MAP2: variants seen among roughly 807,000 people sequenced by gnomAD.
MAP2 encodes the protein microtubule-associated protein 2.
In MAP2, 14 loss-of-function variants were observed where a neutral mutation model predicts 137.6. The observed-to-expected ratio is 0.10, with a 90% confidence interval of 0.07 to 0.16. MAP2 has a LOEUF of 0.16. Ranked by LOEUF, MAP2 falls within the 10% of genes least tolerant of loss-of-function variation. The pLI, the probability that MAP2 is intolerant of heterozygous loss-of-function variation, is 1.00. For synonymous variants in MAP2, 786 were observed against 782.3 expected (o/e 1.00, Z -0.08); for missense variants, 2,088 against 2,191.5 (o/e 0.95, Z 0.94).
At chr2:209,488,334 G>A (rs1457700926) in intron 1 of MAP2, among the ~76,000 whole-genome samples, 1 of 152,176 alleles carries the variant, frequency 6.6e-6, no homozygotes, top group Non-Finnish European at 1.5e-5. Context: ...AAGGCCCTGG[G>A]TTTCAAGCAC....
chr2:209,691,377 T>C (rs1175572625), intron 7 of MAP2, among the ~76,000 whole-genome samples: 1 of 152,108 alleles, frequency 6.6e-6, no homozygotes, highest in East Asian at 1.9e-4. Context: ...TCTCATATCA[T>C]TTTCTCCCCA....
In MAP2 at chr2:209,697,063, A is replaced by G. The variant is rs765042302; in HGVS notation, c.4522+12A>G. 12 of 1,574,816 alleles carry G rather than the reference A, an allele frequency of 7.6e-6. No individual in the cohort carries two copies. Among genetic ancestry groups the G allele is most frequent in the East Asian group, 4.5e-5 (2 of 44,238 alleles). On this transcript the variant is annotated intron_variant, in intron 10 of 15. Transcript: ENST00000682079. ...GCGGAAAACCACAGGTGACTGTTCA[A>G]TTCTGCAATGTGACTGGCAAACATA...
intron 2 of MAP2, among the ~76,000 whole-genome samples, chr2:209,578,692 A>G (rs112903000): frequency 0.011 from 1,657 of 152,270 alleles, 31 homozygotes; most frequent in African/African-American, 0.037. Context: ...TAAATGCAGG[A>G]AATTATTCCA....
At chr2:209,480,331 CTA>C (rs763823505) in intron 1 of MAP2, among the ~76,000 whole-genome samples, 58 of 152,232 alleles carry the variant, frequency 3.8e-4, no homozygotes, top group Non-Finnish European at 7.1e-4. Context: ...CGGAGGGAAA[CTA>C]TTAGGTTCTA....
chr2:209,695,884 GATA>G lies in MAP2; in HGVS notation c.3715_3717del (p.Ile1239del). The G allele has an allele frequency of 5.0e-6, 8 of 1,614,108 alleles. No individual in the cohort carries two copies. Among genetic ancestry groups the G allele is most frequent in the Non-Finnish European group, 6.8e-6 (8 of 1,180,018 alleles). On this transcript the variant is annotated inframe_deletion, in exon 8 of 16. Coordinates refer to ENST00000682079, the MANE Select transcript of MAP2 (RefSeq NM_001375505.1). ...CAGAGATTCAGAGTGAGGAAGAAGA[GATA>G]GAAGCCCAGGGAGAATATGATAAAC...
chr2:209,430,559 T>C (rs1309274773), intron 1 of MAP2, among the ~76,000 whole-genome samples: 1 of 152,150 alleles, frequency 6.6e-6, no homozygotes, highest in African/African-American at 2.4e-5. Flanking sequence ...TAGATTAATA[T>C]TAAAGTATTG....
chr2:209,510,905 T>C (rs933709417), intron 2 of MAP2, among the ~76,000 whole-genome samples: 2 of 152,004 alleles, frequency 1.3e-5, no homozygotes, highest in African/African-American at 4.8e-5. Flanking sequence ...TAATTATAGT[T>C]TTCTTGAGAA....
chr2:209,675,995 A>C (rs1264692376), intron 5 of MAP2, among the ~76,000 whole-genome samples: 1 of 151,898 alleles, frequency 6.6e-6, no homozygotes, highest in African/African-American at 2.4e-5. Flanking sequence ...TGTAAATATT[A>C]TGAACAAAAC....
chr2:209,474,887 C>A (rs931645417), intron 1 of MAP2, among the ~76,000 whole-genome samples: 8 of 151,978 alleles, frequency 5.3e-5, no homozygotes, highest in Non-Finnish European at 1.2e-4. Context: ...AATATTATTT[C>A]TGAATCCAAT....
intron 2 of MAP2, among the ~76,000 whole-genome samples, chr2:209,527,366 A>G (rs2064224796): frequency 2.0e-5 from 3 of 152,162 alleles, no homozygotes; most frequent in Admixed American, 6.6e-5. Context: ...AGTCCCTAAC[A>G]TCTAGCCAAG....
At chr2:209,435,139 T>C (rs1236374635) in intron 1 of MAP2, among the ~76,000 whole-genome samples, 1 of 151,352 alleles carries the variant, frequency 6.6e-6, no homozygotes, top group Middle Eastern at 3.2e-3. Flanking sequence ...TAATTTCTTC[T>C]ATATAGACAA....
intron 1 of MAP2, among the ~76,000 whole-genome samples, chr2:209,460,501 G>A (rs1702507388): frequency 6.6e-6 from 1 of 151,922 alleles, no homozygotes; most frequent in Non-Finnish European, 1.5e-5. Flanking sequence ...CTGGGATATG[G>A]GGGAACTAGG....
chr2:209,703,619 G>T (rs2062418641), intron 11 of MAP2, among the ~76,000 whole-genome samples: 2 of 151,940 alleles, frequency 1.3e-5, no homozygotes, highest in African/African-American at 2.4e-5. Context: ...TTTTAAACCT[G>T]CAAAAAGAGA....
chr2:209,514,527 A>G (rs1208492181), intron 2 of MAP2, among the ~76,000 whole-genome samples: 1 of 152,078 alleles, frequency 6.6e-6, no homozygotes, highest in Non-Finnish European at 1.5e-5. Flanking sequence ...ATTCATCTGT[A>G]AAAAAGAATC....
chr2:209,433,707 CAA>C (rs981668434), intron 1 of MAP2, among the ~76,000 whole-genome samples: 7 of 151,988 alleles, frequency 4.6e-5, no homozygotes, highest in East Asian at 3.9e-4. Flanking sequence ...ATGGTGGAAA[CAA>C]GAGTAGACTT....
At chr2:209,646,381 T>C (rs1464806841) in intron 4 of MAP2, among the ~76,000 whole-genome samples, 1 of 152,172 alleles carries the variant, frequency 6.6e-6, no homozygotes, top group Non-Finnish European at 1.5e-5. Flanking sequence ...TATGGGCAAG[T>C]CCAAATTTTT....
intron 4 of MAP2, among the ~76,000 whole-genome samples, chr2:209,643,583 G>T (rs1373926565): frequency 6.6e-6 from 1 of 152,200 alleles, no homozygotes; most frequent in Non-Finnish European, 1.5e-5. Flanking sequence ...TTAATCAAGT[G>T]TACTTCTATC....
At chr2:209,595,219 T>C (rs868041837) in intron 3 of MAP2, among the ~76,000 whole-genome samples, 1 of 152,338 alleles carries the variant, frequency 6.6e-6, no homozygotes, top group Middle Eastern at 3.4e-3. Context: ...TGGCGTAGAA[T>C]ATATGACTTA....
intron 13 of MAP2, among the ~76,000 whole-genome samples, chr2:209,717,527 A>G (rs564472937): frequency 6.6e-6 from 1 of 152,264 alleles, no homozygotes; most frequent in South Asian, 2.1e-4. Context: ...CTTCAATTTT[A>G]TATTTAAGAA....
Sources: allele counts gnomAD v4.1 joint callset (sites outside exome capture counted in the v4.1 genomes callset), GRCh38; gene constraint gnomAD v4.1.1; transcripts MANE v1.5; gene names NCBI Gene and HGNC (gene_info 2026-07-23, HGNC 2026-07-21).